The following CYP4F22 variants were observed in gnomAD, a reference collection of about 807,000 sequenced individuals.
CYP4F22 encodes ultra-long-chain fatty acid omega-hydroxylase.
A neutral mutation model predicts 60.4 loss-of-function variants in CYP4F22; 37 were observed. The observed-to-expected ratio is 0.61, with a 90% CI of 0.47 to 0.81. The LOEUF (loss-of-function observed/expected upper bound fraction) is 0.81, where lower values mean the gene tolerates loss of function less well. CYP4F22 is among the 30% of genes least tolerant of loss of function. The pLI is 0.00. For missense variants in CYP4F22, 655 were observed against 715.0 expected, an observed-to-expected ratio of 0.92 and a Z score of 0.96; for synonymous variants, 258 against 280.5, an observed-to-expected ratio of 0.92 and a Z score of 0.80.
chr19:15,510,654 C>T (rs147249749), intron 1 of CYP4F22, among the ~76,000 whole-genome samples: 24 of 152,188 alleles, frequency 1.6e-4, no homozygotes, highest in Non-Finnish European at 3.1e-4. Flanking sequence ...TGCCAGGATC[C>T]CCTTTGGGCC....
chr19:15,529,833 A>C lies in CYP4F22; in HGVS notation c.347A>C (p.Lys116Thr). 4.3e-6 allele frequency: 7 copies of C among 1,614,148 alleles called. No homozygotes were observed. The highest frequency in any genetic ancestry group is 5.1e-6 in the Non-Finnish European group (6 of 1,180,030). The stretch of plus-strand genomic sequence containing the variant: ...GTTCTGGTGCACCCTGATTACATCA[A>C]ACCCCTTTTGGGAGCCTCAGGTACG... ...LLVLVHPDYI[K>T]PLLGASAAIA... Residue 116 changes from lysine to threonine, a missense_variant, in exon 4 of 14, where the codon AAA becomes ACA. By Grantham distance (78) the Lys-to-Thr change is moderately conservative. Transcript: ENST00000269703.
At chr19:15,539,717 T>A (rs1971437038) in intron 7 of CYP4F22, among the ~76,000 whole-genome samples, 1 of 152,210 alleles carries the variant, frequency 6.6e-6, no homozygotes, top group Admixed American at 6.5e-5. Flanking sequence ...CACTAACACT[T>A]GCTTTTTTTT....
chr19:15,532,789 C>T (rs1335449279), intron 4 of CYP4F22, among the ~76,000 whole-genome samples: 2 of 152,146 alleles, frequency 1.3e-5, no homozygotes, highest in Non-Finnish European at 2.9e-5. Flanking sequence ...GAGTAGTGCC[C>T]CAGCAGGGGC....
chr19:15,517,458 G>A (rs1358515455), intron 1 of CYP4F22, among the ~76,000 whole-genome samples: 1 of 152,122 alleles, frequency 6.6e-6, no homozygotes, highest in Non-Finnish European at 1.5e-5. Flanking sequence ...AGCGGACACA[G>A]GGCTCCACAA....
intron 4 of CYP4F22, 149 bp downstream of exon 4, chr19:15,530,002 C>A: frequency 1.7e-6 from 2 of 1,147,522 alleles, no homozygotes; most frequent in Admixed American, 1.9e-5. Context: ...GCATGGCAAT[C>A]CAGATTGTGA....
chr19:15,518,674 CA>C (rs1568354233), intron 1 of CYP4F22, among the ~76,000 whole-genome samples: 1 of 89,720 alleles, frequency 1.1e-5, no homozygotes, highest in East Asian at 3.1e-4. Context: ...AAAAAAGAAA[CA>C]AAACAAAACA....
chr19:15,545,134 C>T (rs1482354230), intron 10 of CYP4F22, among the ~76,000 whole-genome samples: 3 of 149,580 alleles, frequency 2.0e-5, no homozygotes, highest in Non-Finnish European at 4.4e-5. Flanking sequence ...TGTGCTTGCA[C>T]TAGAAGATTG....
chr19:15,549,143 A>G lies in CYP4F22; in HGVS notation c.1276A>G (p.Ile426Val), dbSNP rs769033721. ...GATCCCATCTTTCCCCACAGGAATC[A>G]TCTGCTTGGTCAGCATCTATGGAAC... ...PDGRIIPKGI[I>V]CLVSIYGTHH... is the part of the protein sequence containing the mutation. The change falls in exon 12 of 14, where the codon ATC becomes GTC. Residue 426 changes from isoleucine to valine, a missense_variant. This residue lies in a region of CYP4F22 where 74 missense variants were observed against 118.4 expected (regional missense o/e 0.62). Transcript: ENST00000269703. 12 of 1,613,874 alleles carry G rather than the reference A, an allele frequency of 7.4e-6. No homozygotes were observed. The highest frequency in any genetic ancestry group is 1.6e-4 in the Middle Eastern group (1 of 6,082).
At chr19:15,525,583 G>C (rs761093851) in intron 3 of CYP4F22, 25 bp downstream of exon 3, 4 of 1,584,610 alleles carry the variant, frequency 2.5e-6, no homozygotes, top group Non-Finnish European at 3.4e-6. Flanking sequence ...GCAGGACTGG[G>C]CTGGGCTGGG....
At chr19:15,522,428 C>A (rs1171309798) in intron 1 of CYP4F22, among the ~76,000 whole-genome samples, 1 of 152,112 alleles carries the variant, frequency 6.6e-6, no homozygotes, top group African/African-American at 2.4e-5. Flanking sequence ...TAAATCTCAG[C>A]ACTTGGGAGG....
At chr19:15,516,548 G>T in intron 1 of CYP4F22, 1 of 245,084 alleles carries the variant, frequency 4.1e-6, no homozygotes, top group Non-Finnish European at 7.9e-6. Context: ...CCTTTATGCA[G>T]AAAGTAAAAT....
chr19:15,510,741 T>C (rs1307021624), intron 1 of CYP4F22, among the ~76,000 whole-genome samples: 1 of 152,016 alleles, frequency 6.6e-6, no homozygotes, highest in Non-Finnish European at 1.5e-5. Flanking sequence ...TTTGCCAACT[T>C]GGCCCTGCCC....
intron 7 of CYP4F22, among the ~76,000 whole-genome samples, chr19:15,538,363 A>C (rs1237045581): frequency 6.6e-6 from 1 of 152,210 alleles, no homozygotes; most frequent in Non-Finnish European, 1.5e-5. Context: ...TTTGTAAAAA[A>C]AGGATGACAA....
At chr19:15,529,637 G>T (rs1971319893) in intron 3 of CYP4F22, 72 bp from the exon 4 acceptor site, 1 of 1,593,904 alleles carries the variant, frequency 6.3e-7, no homozygotes, top group South Asian at 1.1e-5. Flanking sequence ...ACTACAGGAG[G>T]TGGCAGGAGG....
At chr19:15,544,072 A>G (rs1195917013) in intron 9 of CYP4F22, 35 bp downstream of exon 9, 7 of 1,614,112 alleles carry the variant, frequency 4.3e-6, no homozygotes, top group Non-Finnish European at 5.9e-6. Flanking sequence ...GGAGGGCAGG[A>G]AGGGACATCA....
chr19:15,523,094 C>A (rs539069690), intron 1 of CYP4F22, among the ~76,000 whole-genome samples: 21 of 151,786 alleles, frequency 1.4e-4, no homozygotes, highest in African/African-American at 5.1e-4. Flanking sequence ...GTGGCTCATG[C>A]CTGTAATCCC....
At chr19:15,535,557 T>C (rs536868062) in intron 4 of CYP4F22, among the ~76,000 whole-genome samples, 46 of 152,222 alleles carry the variant, frequency 3.0e-4, no homozygotes, top group African/African-American at 1.1e-3. Flanking sequence ...GATCCATCCA[T>C]TCATCCATCC....
At position 15,548,222 on chromosome 19, in the gene CYP4F22, T is replaced by C. The variant is rs753588073; in HGVS notation, c.1251T>C (p.Asp417=). The part of the protein sequence containing the change: ...RQCTEDIKLP[D]GRIIPKGIIC... ...GCACGGAGGACATCAAGCTCCCAGA[T>C]GGGCGCATCATCCCCAAAGGTGCCT... is the stretch of plus-strand genomic sequence containing the variant. Residue 417 remains aspartate, a synonymous_variant, in exon 11 of 14, where the codon GAT becomes GAC. Transcript: ENST00000269703. The C allele has an allele frequency of 6.2e-7, 1 of 1,614,132 alleles. No individual in the cohort carries two copies. Among genetic ancestry groups the C allele is most frequent in the Non-Finnish European group, 8.5e-7 (1 of 1,180,020 alleles).
intron 1 of CYP4F22, among the ~76,000 whole-genome samples, chr19:15,509,606 C>T (rs1008906973): frequency 6.6e-6 from 1 of 152,120 alleles, no homozygotes; most frequent in African/African-American, 2.4e-5. Flanking sequence ...AAACTGAGGG[C>T]CAGAGAGAAG....
Sources: gnomAD v4.1 joint callset for allele counts (sites outside exome capture counted in the v4.1 genomes callset) on GRCh38, gnomAD v4.1.1 for gene constraint, gnomAD v4.1.1 regional missense constraint, MANE v1.5 for transcripts, NCBI Gene and HGNC (gene_info 2026-07-23, HGNC 2026-07-21) for gene names.